The following KDM2B variants were observed in gnomAD, a reference collection of about 807,000 sequenced individuals.
KDM2B encodes lysine demethylase 2B.
KDM2B carries 26 observed loss-of-function variants against 150.0 expected under a neutral mutation model. That is an observed-to-expected ratio of 0.17 (90% CI 0.13 to 0.24). The LOEUF is 0.24. Ranked by LOEUF, KDM2B falls within the 10% of genes least tolerant of loss-of-function variation. The probability of loss-of-function intolerance (pLI) is 1.00; values close to 1 mark genes in which losing one functional copy is unlikely to be tolerated. For missense variants in KDM2B, 1,265 were observed against 1,816.9 expected, an observed-to-expected ratio of 0.70 and a Z score of 5.52; for synonymous variants, 734 against 729.5, an observed-to-expected ratio of 1.01 and a Z score of -0.10.
intron 11 of KDM2B, among the ~76,000 whole-genome samples, chr12:121,501,412 C>T (rs1419516280): frequency 4.0e-5 from 6 of 151,874 alleles, no homozygotes; most frequent in African/African-American, 1.5e-4. Flanking sequence ...AATACAAAGA[C>T]CAAAAATAAG....
At chr12:121,579,741 T>G in intron 1 of KDM2B, 1 of 1,412,400 alleles carries the variant, frequency 7.1e-7, no homozygotes, top group South Asian at 1.2e-5. Flanking sequence ...CCCCCCAGAT[T>G]CCGGGCGAAC....
At chr12:121,471,404 T>C (rs1435231921) in intron 12 of KDM2B, among the ~76,000 whole-genome samples, 1 of 152,186 alleles carries the variant, frequency 6.6e-6, no homozygotes, top group Non-Finnish European at 1.5e-5. Flanking sequence ...CTCATGTCTC[T>C]GCTTTCTCTC....
At chr12:121,566,664 C>A (rs1754948634) in intron 4 of KDM2B, among the ~76,000 whole-genome samples, 1 of 151,516 alleles carries the variant, frequency 6.6e-6, no homozygotes, top group South Asian at 2.1e-4. Flanking sequence ...GGCATGGTGG[C>A]CGGCACCTGT....
At chr12:121,561,243 G>A (rs983895809) in intron 4 of KDM2B, among the ~76,000 whole-genome samples, 2 of 152,080 alleles carry the variant, frequency 1.3e-5, no homozygotes, top group African/African-American at 4.8e-5. Flanking sequence ...AAACATACAC[G>A]GGCGCGACCC....
Position 121,442,265 on chromosome 12 carries a change from T to C in KDM2B, c.3176A>G (p.Asp1059Gly), listed in dbSNP as rs1555288513. Reference sequence around the variant, plus strand: ...CCTGTGCATGACGTGGGCTGCCCCATCGTCCAGGGGTAGCGAGTCAGGCGG... The same window carrying C: ...CCTGTGCATGACGTGGGCTGCCCCACCGTCCAGGGGTAGCGAGTCAGGCGG... ...SPPPDSLPLD[D>G]GAAHVMHREV... The change falls in exon 19 of 23, where the codon GAT (aspartate) becomes GGT (glycine). Residue 1059 changes from aspartate (D) to glycine (G), a missense_variant. This residue lies in a region of KDM2B where 251 missense variants were observed against 397.8 expected (regional missense o/e 0.63). Transcript: ENST00000377071. This position sits in a 1 kb window ranked among gnomAD's most constrained non-coding sequence, Gnocchi z 7.7. The C allele has an allele frequency of 6.2e-7, 1 of 1,612,424 alleles. No individual in the cohort carries two copies.
At chr12:121,438,416 G>A (rs370219628) in intron 22 of KDM2B, among the ~76,000 whole-genome samples, 3 of 152,144 alleles carry the variant, frequency 2.0e-5, no homozygotes, top group South Asian at 2.1e-4. Context: ...TCTCTGCTAC[G>A]CATCCATAAT....
rs1405041407 is a variant in KDM2B at position 121,521,969 on chromosome 12, C to A, written c.932-869G>T. ...AAAAAAAATTAAATAAATAGCAGGG[C>A]ATGGTGGTGCACACCTGCGGTCCCA... is the stretch of plus-strand genomic sequence containing the variant. On this transcript the variant is annotated intron_variant, in intron 8 of 22. Coordinates refer to ENST00000377071, the MANE Select transcript of KDM2B (RefSeq NM_032590.5). This position sits in a 1 kb window ranked among gnomAD's most constrained non-coding sequence, Gnocchi z 4.9. 6.6e-6 allele frequency among the ~76,000 whole-genome samples: 1 copy of A among 152,030 alleles called. No homozygotes were observed. Among genetic ancestry groups the A allele is most frequent in the Non-Finnish European group, 1.5e-5 (1 of 67,998 alleles).
intron 11 of KDM2B, among the ~76,000 whole-genome samples, chr12:121,495,720 C>A (rs376095033): frequency 1.3e-5 from 2 of 152,198 alleles, no homozygotes; most frequent in East Asian, 1.9e-4. Context: ...TTGATGCCTT[C>A]ATAGAGCCAT....
intron 6 of KDM2B, among the ~76,000 whole-genome samples, 175 bp downstream of exon 6, chr12:121,548,702 C>A (rs1889254408): frequency 6.6e-6 from 1 of 152,202 alleles, no homozygotes; most frequent in African/African-American, 2.4e-5. Context: ...ACGCGAAGGA[C>A]CCCGTCCCTC....
At chr12:121,499,332 G>A in intron 11 of KDM2B, among the ~76,000 whole-genome samples, 1 of 150,212 alleles carries the variant, frequency 6.7e-6, no homozygotes. Flanking sequence ...TGTTGGCCAG[G>A]CTGGTCTTGA....
At chr12:121,416,085 T>G in the KDM2B span, 39 of 1,224,504 alleles carry the variant, frequency 3.2e-5, no homozygotes, top group East Asian at 7.9e-4. Context: ...CTCTCCAGAA[T>G]AGCATTCCCT....
At chr12:121,490,781 G>C (rs1057320402) in intron 12 of KDM2B, among the ~76,000 whole-genome samples, 4 of 152,170 alleles carry the variant, frequency 2.6e-5, no homozygotes, top group South Asian at 2.1e-4. Context: ...GAAGGACACC[G>C]CATCAGAAAT....
At chr12:121,506,087 G>A (rs868937961) in intron 11 of KDM2B, among the ~76,000 whole-genome samples, 3 of 148,102 alleles carry the variant, frequency 2.0e-5, no homozygotes, top group African/African-American at 7.3e-5. Context: ...ATAGTTCACT[G>A]TAGCCTAGAA....
chr12:121,415,303 CAG>C, the KDM2B span: 1 of 383,392 alleles, frequency 2.6e-6, no homozygotes, highest in African/African-American at 2.0e-5. Flanking sequence ...AATGCGAAAA[CAG>C]AGGTTTAAGG....
At chr12:121,508,072 T>A (rs112131745) in intron 11 of KDM2B, among the ~76,000 whole-genome samples, 2,570 of 152,222 alleles carry the variant, frequency 0.017, 77 homozygotes, top group African/African-American at 0.059. Flanking sequence ...ACATTTCTTC[T>A]TCAGATTAGT....
chr12:121,491,773 A>G (rs1341934931), intron 12 of KDM2B, among the ~76,000 whole-genome samples: 1 of 149,748 alleles, frequency 6.7e-6, no homozygotes, highest in African/African-American at 2.5e-5. Context: ...CAGCCTGGTG[A>G]CAAGAGCAAG....
chr12:121,549,055 A>C lies in KDM2B; in HGVS notation c.577-72T>G. On this transcript the variant is annotated intron_variant, in intron 5 of 22. Transcript: ENST00000377071. The surrounding 1 kb of genome is among the most constrained non-coding windows in gnomAD (Gnocchi z 4.4). ...CAGACACAAATACCCCTTTCCCCGG[A>C]GAGTCCTTGGGCCCCCCCGCTCCCC... The C allele has an allele frequency of 1.5e-6, 2 of 1,297,054 alleles. No homozygotes were observed. Among genetic ancestry groups the C allele is most frequent in the Non-Finnish European group, 2.2e-6 (2 of 900,498 alleles). 80.3% of individuals were successfully genotyped at this position (1,297,054 alleles called of 1,614,324 possible).
intron 17 of KDM2B, chr12:121,443,233 T>A: frequency 1.6e-6 from 1 of 615,182 alleles, no homozygotes; most frequent in African/African-American, 1.8e-5. Flanking sequence ...GAAGTAGGAG[T>A]ACAGTTGAAC....
rs1315320590 is a variant in KDM2B at position 121,443,616 on chromosome 12, G to C, written c.2565+64C>G. On this transcript the variant is annotated intron_variant, in intron 17 of 22. Transcript: ENST00000377071. The stretch of plus-strand genomic sequence containing the variant: ...TGGGGTGGAGGACCAGCGGGGTGGG[G>C]TGGGGGACAGCCCAGGACTCGCCAG... 23 of 924,022 alleles carry C rather than the reference G, an allele frequency of 2.5e-5. No homozygotes were observed. In the African/African-American group the frequency reaches 3.5e-4, roughly 14 times the overall value. 57.2% of individuals were successfully genotyped at this position (924,022 alleles called of 1,614,324 possible). A position where few individuals can be genotyped will look rare whatever the true frequency, so the allele number is the denominator to read the frequency against.
Sources: gnomAD v4.1 joint callset for allele counts (sites outside exome capture counted in the v4.1 genomes callset) on GRCh38, gnomAD v4.1.1 for gene constraint, gnomAD v4.1.1 regional missense constraint, Gnocchi (gnomAD v3.1) non-coding constraint, MANE v1.5 for transcripts, NCBI Gene and HGNC (gene_info 2026-07-23, HGNC 2026-07-21) for gene names.